The following KCNQ3 variants were observed in gnomAD, a reference collection of about 807,000 sequenced individuals.
The protein encoded by KCNQ3 is potassium voltage-gated channel subfamily KQT member 3.
KCNQ3 carries 30 observed loss-of-function variants against 92.5 expected under a neutral mutation model. The ratio of observed to expected loss-of-function variants is 0.32; its 90% CI spans 0.24 to 0.44. The LOEUF is 0.44. Ranked by LOEUF, KCNQ3 falls within the 20% of genes least tolerant of loss-of-function variation. The probability of loss-of-function intolerance (pLI) is 1.00; values close to 1 mark genes in which losing one functional copy is unlikely to be tolerated. For missense variants in KCNQ3, 913 were observed against 1,140.3 expected, an observed-to-expected ratio of 0.80 and a Z score of 2.87; for synonymous variants, 450 against 468.8, an observed-to-expected ratio of 0.96 and a Z score of 0.52.
chr8:132,242,720 T>C (rs1301380731), intron 1 of KCNQ3, among the ~76,000 whole-genome samples: 1 of 152,252 alleles, frequency 6.6e-6, no homozygotes, highest in Non-Finnish European at 1.5e-5. Context: ...TGAATATTTA[T>C]CGAATGAATG....
chr8:132,303,600 TGG>T (rs1817301987), intron 1 of KCNQ3, among the ~76,000 whole-genome samples: 1 of 24,302 alleles, frequency 4.1e-5, no homozygotes, highest in Non-Finnish European at 7.0e-5. Flanking sequence ...TATATATATA[TGG>T]TGTGTATATA....
At chr8:132,272,637 G>A (rs185821406) in intron 1 of KCNQ3, among the ~76,000 whole-genome samples, 1 of 152,226 alleles carries the variant, frequency 6.6e-6, no homozygotes, top group African/African-American at 2.4e-5. Context: ...CAGGCAAAGA[G>A]AGAGAGCTTG....
At chr8:132,348,183 G>T (rs1818753947) in intron 1 of KCNQ3, among the ~76,000 whole-genome samples, 1 of 151,882 alleles carries the variant, frequency 6.6e-6, no homozygotes, top group South Asian at 2.1e-4. Context: ...CCTAGGAGAA[G>T]TGAATTACTA....
At chr8:132,442,319 A>G (rs1821559315) in intron 1 of KCNQ3, among the ~76,000 whole-genome samples, 1 of 152,158 alleles carries the variant, frequency 6.6e-6, no homozygotes, top group Admixed American at 6.5e-5. Context: ...CTGTCCCAGG[A>G]GTATAAATCC....
At chr8:132,164,193 A>C (rs901612935) in intron 8 of KCNQ3, among the ~76,000 whole-genome samples, 12 of 151,546 alleles carry the variant, frequency 7.9e-5, no homozygotes, top group African/African-American at 2.7e-4. Flanking sequence ...GAACAGTCCT[A>C]CTCATCCTTT....
chr8:132,391,430 A>G (rs1162129504), intron 1 of KCNQ3, among the ~76,000 whole-genome samples: 1 of 152,058 alleles, frequency 6.6e-6, no homozygotes, highest in East Asian at 1.9e-4. Context: ...AGAGATGCAA[A>G]AACTCCTAAC....
chr8:132,141,024 G>A, intron 10 of KCNQ3, 105 bp downstream of exon 10: 2 of 1,016,482 alleles, frequency 2.0e-6, no homozygotes, highest in Middle Eastern at 2.1e-4. Flanking sequence ...GAGTTACCTT[G>A]TGGAGTCAAA....
rs1490197037 is a variant in KCNQ3 at position 132,154,205 on chromosome 8, T to A, written c.1262+9263A>T. Reference sequence around the variant, plus strand: ...CAAAAGGGTAAAAGTTTTTTTTTTTTTTTTTTTTTTTTTTTTTTAGCCAAT... The same window carrying A: ...CAAAAGGGTAAAAGTTTTTTTTTTTATTTTTTTTTTTTTTTTTTAGCCAAT... On this transcript the variant is annotated intron_variant, in intron 9 of 14. Transcript: ENST00000388996. Among the ~76,000 whole-genome samples, 51 of 141,980 alleles carry A rather than the reference T, an allele frequency of 3.6e-4. 1 individual carries two copies. The highest frequency in any genetic ancestry group is 1.3e-3 in the African/African-American group (51 of 37,896). The allele number at this position is 141,980 out of a possible 152,430, so 93.1% of individuals were successfully genotyped here. A position where few individuals can be genotyped will look rare whatever the true frequency, so the allele number is the denominator to read the frequency against.
chr8:132,473,846 ATCT>A (rs1251581911), intron 1 of KCNQ3, among the ~76,000 whole-genome samples: 3 of 152,194 alleles, frequency 2.0e-5, no homozygotes, highest in African/African-American at 2.4e-5. Flanking sequence ...AAGACAATAG[ATCT>A]TCTTGTCAAC....
At chr8:132,254,224 G>A (rs1009187659) in intron 1 of KCNQ3, among the ~76,000 whole-genome samples, 4 of 152,216 alleles carry the variant, frequency 2.6e-5, no homozygotes, top group South Asian at 2.1e-4. Context: ...TGTGTGAAAC[G>A]AGCAGGAAAG....
At chr8:132,318,273 G>T (rs1325743434) in intron 1 of KCNQ3, among the ~76,000 whole-genome samples, 1 of 152,202 alleles carries the variant, frequency 6.6e-6, no homozygotes, top group Non-Finnish European at 1.5e-5. Flanking sequence ...GTAATTAATA[G>T]TACAGGTTGT....
chr8:132,393,856 T>G (rs763001418), intron 1 of KCNQ3, among the ~76,000 whole-genome samples: 1 of 152,158 alleles, frequency 6.6e-6, no homozygotes, highest in African/African-American at 2.4e-5. Context: ...ACCCTCCCAG[T>G]CTTGTTGCAT....
At chr8:132,307,848 A>G (rs1303113403) in intron 1 of KCNQ3, among the ~76,000 whole-genome samples, 3 of 152,202 alleles carry the variant, frequency 2.0e-5, no homozygotes, top group African/African-American at 7.2e-5. Flanking sequence ...ATATCAGAAG[A>G]TTAGAAAGGT....
chr8:132,242,512 C>A (rs10112959), intron 1 of KCNQ3, among the ~76,000 whole-genome samples: 1 of 152,278 alleles, frequency 6.6e-6, no homozygotes, highest in South Asian at 2.1e-4. Flanking sequence ...CTCTCTGATT[C>A]CAGAGCTTAA....
At chr8:132,172,983 T>G (rs1031107491) in intron 6 of KCNQ3, among the ~76,000 whole-genome samples, 1 of 152,218 alleles carries the variant, frequency 6.6e-6, no homozygotes, top group African/African-American at 2.4e-5. Context: ...TGTTGCATAT[T>G]GGTTTTTTCT....
intron 1 of KCNQ3, among the ~76,000 whole-genome samples, chr8:132,442,751 C>T (rs1821570739): frequency 6.6e-6 from 1 of 152,234 alleles, no homozygotes; most frequent in South Asian, 2.1e-4. Flanking sequence ...AGAAAAACCA[C>T]TCCCACAGTG....
At chr8:132,161,757 C>T (rs1400528278) in intron 9 of KCNQ3, among the ~76,000 whole-genome samples, 1 of 152,190 alleles carries the variant, frequency 6.6e-6, no homozygotes, top group African/African-American at 2.4e-5. Flanking sequence ...AAATGCATAC[C>T]ATCAAGTGTG....
intron 1 of KCNQ3, among the ~76,000 whole-genome samples, chr8:132,186,773 A>C (rs77446170): frequency 1.8e-4 from 28 of 152,298 alleles, no homozygotes; most frequent in African/African-American, 6.0e-4. Context: ...AAGAAGAGGA[A>C]CTACCACACT....
chr8:132,325,316 G>T (rs1167800426), intron 1 of KCNQ3, among the ~76,000 whole-genome samples: 1 of 152,146 alleles, frequency 6.6e-6, no homozygotes, highest in Non-Finnish European at 1.5e-5. Context: ...TCCGTCCAGG[G>T]TCTAATATAG....
Sources: gnomAD v4.1 joint callset for allele counts (sites outside exome capture counted in the v4.1 genomes callset) on GRCh38, gnomAD v4.1.1 for gene constraint, MANE v1.5 for transcripts, NCBI Gene and HGNC (gene_info 2026-07-23, HGNC 2026-07-21) for gene names.